Variants in IL1R1 observed in about 807,000 individuals in gnomAD.
IL1R1 encodes the protein interleukin 1 receptor type 1, also known as interleukin-1 receptor type 1.
A neutral mutation model predicts 50.2 loss-of-function variants in IL1R1; 22 were observed. The ratio of observed to expected loss-of-function variants is 0.44; its 90% CI spans 0.31 to 0.63. The LOEUF (loss-of-function observed/expected upper bound fraction) is 0.63, where lower values mean the gene tolerates loss of function less well. Among genes scored for constraint, IL1R1 ranks in the 20% least tolerant of loss-of-function variants. The probability of loss-of-function intolerance (pLI) is 0.07; values close to 1 mark genes in which losing one functional copy is unlikely to be tolerated. For missense variants in IL1R1, 509 were observed against 676.2 expected (o/e 0.75, Z 2.74); for synonymous variants, 251 against 236.7 (o/e 1.06, Z -0.55).
At chr2:102,114,169 A>G (rs560561716) in intron 1 of IL1R1, among the ~76,000 whole-genome samples, 15 of 152,364 alleles carry the variant, frequency 9.8e-5, no homozygotes, top group African/African-American at 3.6e-4. Flanking sequence ...CTAGTTTTTA[A>G]AAGAGATATG....
chr2:102,087,219 G>A (rs1299016517), intron 1 of IL1R1, among the ~76,000 whole-genome samples: 3 of 152,160 alleles, frequency 2.0e-5, no homozygotes, highest in Non-Finnish European at 2.9e-5. Flanking sequence ...TTTTGCTAGT[G>A]GGAGGTCTAC....
chr2:102,148,961 C>T (rs1683400448), intron 1 of IL1R1, among the ~76,000 whole-genome samples: 1 of 151,298 alleles, frequency 6.6e-6, no homozygotes, highest in Non-Finnish European at 1.5e-5. Context: ...AACAAACAAA[C>T]AAACAAACAA....
chr2:102,140,799 G>A (rs1682603558), upstream of IL1R1, among the ~76,000 whole-genome samples: 1 of 152,176 alleles, frequency 6.6e-6, no homozygotes, highest in African/African-American at 2.4e-5. Flanking sequence ...GGGAGAAGGT[G>A]ACTTGAAGGT....
upstream of IL1R1, among the ~76,000 whole-genome samples, chr2:102,139,889 AT>A (rs200099772): frequency 0.013 from 1,935 of 152,156 alleles, 12 homozygotes; most frequent in Middle Eastern, 0.044. Flanking sequence ...AGTTTCAGGT[AT>A]TTTTTTATAG....
At chr2:102,170,813 C>CACCAA (rs1685604132) in intron 7 of IL1R1, among the ~76,000 whole-genome samples, 1 of 152,220 alleles carries the variant, frequency 6.6e-6, no homozygotes, top group Non-Finnish European at 1.5e-5. Flanking sequence ...GTAATTCCAG[C>CACCAA]ACTTTGGTAG....
At chr2:102,071,375 C>G (rs777793631) in intron 1 of IL1R1, among the ~76,000 whole-genome samples, 5 of 149,086 alleles carry the variant, frequency 3.4e-5, no homozygotes, top group Non-Finnish European at 7.4e-5. Context: ...TAATGGACAT[C>G]TATTTGTGGC....
intron 1 of IL1R1, among the ~76,000 whole-genome samples, chr2:102,093,328 C>T (rs1679761432): frequency 6.6e-6 from 1 of 152,098 alleles, no homozygotes; most frequent in South Asian, 2.1e-4. Context: ...TCCGGAAAAC[C>T]CTTGTGAGTC....
chr2:102,137,332 C>T (rs1307683043), intron 1 of IL1R1, among the ~76,000 whole-genome samples: 1 of 152,180 alleles, frequency 6.6e-6, no homozygotes, highest in African/African-American at 2.4e-5. Context: ...TATTATCTCT[C>T]ATGATTTTGT....
chr2:102,105,887 A>G (rs1680383175), intron 1 of IL1R1, among the ~76,000 whole-genome samples: 2 of 152,198 alleles, frequency 1.3e-5, no homozygotes, highest in South Asian at 4.1e-4. Context: ...ATTGCCTTGC[A>G]TTTTTATCCT....
intron 1 of IL1R1, among the ~76,000 whole-genome samples, chr2:102,147,949 C>CT (rs1447994240): frequency 6.6e-6 from 1 of 152,220 alleles, no homozygotes; most frequent in East Asian, 1.9e-4. Flanking sequence ...CCATTGATAA[C>CT]TATGAACAAG....
In IL1R1 at chr2:102,171,812, C is replaced by A; in HGVS notation, c.733C>A (p.Gln245Lys). 2 of 1,587,712 alleles carry A rather than the reference C, an allele frequency of 1.3e-6. No homozygotes were observed. Among genetic ancestry groups the A allele is most frequent in the African/African-American group, 1.3e-5 (1 of 74,422 alleles). The change falls in exon 8 of 12, where the codon CAA becomes AAA. Residue 245 changes from glutamine to lysine, a missense_variant. Physicochemically the swap from Gln to Lys is moderately conservative, Grantham distance 53. Coordinates refer to ENST00000410023, the MANE Select transcript of IL1R1 (RefSeq NM_000877.4). ...TMEVDLGSQI[Q>K]LICNVTGQLS... ...TACATTCTTTGCAGGATCCCAGATA[C>A]AATTGATCTGTAATGTCACCGGCCA...
In IL1R1 at chr2:102,175,592, A is replaced by C; in HGVS notation, c.1250A>C (p.Lys417Thr). 1 of 1,614,044 alleles carries C rather than the reference A, an allele frequency of 6.2e-7. No individual in the cohort carries two copies. The highest frequency in any genetic ancestry group is 1.3e-5 in the African/African-American group (1 of 75,022). ...VFKVLPEVLE[K>T]QCGYKLFIYG... Reference sequence around the variant, plus strand: ...AAAGTCTTGCCTGAGGTCTTGGAAAAACAGTGTGGATATAAGCTGTTCATT... The same window carrying C: ...AAAGTCTTGCCTGAGGTCTTGGAAACACAGTGTGGATATAAGCTGTTCATT... The change falls in exon 11 of 12, where the codon AAA becomes ACA. Residue 417 changes from lysine (K) to threonine (T), a missense_variant. Transcript: ENST00000410023.
intron 1 of IL1R1, among the ~76,000 whole-genome samples, chr2:102,091,170 T>C (rs919128238): frequency 6.6e-6 from 1 of 152,222 alleles, no homozygotes; most frequent in African/African-American, 2.4e-5. Context: ...ATCAGTCTCA[T>C]AGAGATGAAA....
At chr2:102,107,428 T>G (rs1680479090) in intron 1 of IL1R1, among the ~76,000 whole-genome samples, 2 of 138,602 alleles carry the variant, frequency 1.4e-5, no homozygotes, top group Admixed American at 7.7e-5. Context: ...CACTCGTAGG[T>G]GGGAATTGAA....
At chr2:102,152,986 A>G (rs533972923) in intron 1 of IL1R1, among the ~76,000 whole-genome samples, 3 of 122,618 alleles carry the variant, frequency 2.4e-5, no homozygotes, top group African/African-American at 7.9e-5. Flanking sequence ...AATGATTCAG[A>G]CAAAAAAAAA....
chr2:102,137,311 C>T (rs1273501434), intron 1 of IL1R1, among the ~76,000 whole-genome samples: 2 of 152,274 alleles, frequency 1.3e-5, no homozygotes, highest in Admixed American at 6.5e-5. Context: ...TGACTCAAAA[C>T]AACAGTGTAT....
rs143221114 is a variant in IL1R1, at chr2:102,169,886, A to T, written c.721+1223A>T. Among the ~76,000 whole-genome samples, 19 of 152,320 alleles carry T rather than the reference A, an allele frequency of 1.2e-4. 1 individual carries two copies. In the East Asian group the frequency reaches 3.7e-3, roughly 29 times the overall value. ...ATTCTCTTTCCTGTCTTTAAATTTC[A>T]GTACCACAGTTATCTTTTATATTTG... On this transcript the variant is annotated intron_variant, in intron 7 of 11. Transcript: ENST00000410023.
chr2:102,167,743 C>T (rs971341958), intron 6 of IL1R1, among the ~76,000 whole-genome samples: 5 of 152,020 alleles, frequency 3.3e-5, no homozygotes, highest in Non-Finnish European at 7.4e-5. Flanking sequence ...CCACCGCGCC[C>T]GGCCAGGTTA....
At chr2:102,125,392 C>A (rs916607498) in intron 1 of IL1R1, among the ~76,000 whole-genome samples, 2 of 152,184 alleles carry the variant, frequency 1.3e-5, no homozygotes, top group Non-Finnish European at 2.9e-5. Flanking sequence ...GTCTCCTGTT[C>A]TTCTTGGTCG....
Sources: allele counts gnomAD v4.1 joint callset (sites outside exome capture counted in the v4.1 genomes callset), GRCh38; gene constraint gnomAD v4.1.1; transcripts MANE v1.5; gene names NCBI Gene and HGNC (gene_info 2026-07-23, HGNC 2026-07-21).